UBL3: variants seen among roughly 807,000 people sequenced by gnomAD.
UBL3 encodes the protein ubiquitin like 3, also known as ubiquitin-like protein 3.
A neutral mutation model predicts 18.4 loss-of-function variants in UBL3; 6 were observed. The observed-to-expected ratio is 0.33, with a 90% CI of 0.18 to 0.64. The LOEUF is 0.64. UBL3 is among the 30% of genes least tolerant of loss of function. UBL3 has a pLI of 0.76. For missense variants in UBL3, 109 were observed against 142.9 expected, an observed-to-expected ratio of 0.76 and a Z score of 1.21; for synonymous variants, 49 against 46.6, an observed-to-expected ratio of 1.05 and a Z score of -0.21.
At chr13:29,815,895 C>T (rs764980058) in intron 1 of UBL3, among the ~76,000 whole-genome samples, 3 of 152,178 alleles carry the variant, frequency 2.0e-5, no homozygotes, top group Non-Finnish European at 4.4e-5. Flanking sequence ...ATAATCTATA[C>T]ATTTCTGATG....
chr13:29,803,549 G>A (rs1344495191), intron 1 of UBL3, among the ~76,000 whole-genome samples: 1 of 151,740 alleles, frequency 6.6e-6, no homozygotes, highest in South Asian at 2.1e-4. Flanking sequence ...CATCTTACAC[G>A]CAATGACATC....
rs761240816 is a variant in UBL3 at position 29,850,585 on chromosome 13, A to AGCG, written c.-1050_-1048dup. 0.012 allele frequency: 1,835 copies of AGCG among 156,032 alleles called. 38 individuals carry two copies. Among genetic ancestry groups the AGCG allele is most frequent in the African/African-American group, 0.041 (1,709 of 41,544 alleles). The allele number at this position is 156,032 out of a possible 1,614,324, so 9.7% of individuals were successfully genotyped here. On this transcript the variant is annotated 5_prime_UTR_variant, in exon 1 of 5. Transcript: ENST00000380680. ...TCGCCTCTCAAACCAACATGGCGGC[A>AGCG]GCGGCGGCGGCGGCGGCTGCCTGAG...
chr13:29,780,505 T>C (rs989845756), intron 1 of UBL3, among the ~76,000 whole-genome samples: 3 of 149,728 alleles, frequency 2.0e-5, no homozygotes, highest in African/African-American at 7.4e-5. Flanking sequence ...AGAAACTGAT[T>C]GGTGAGAAGG....
Position 29,777,851 on chromosome 13 carries a change from C to T in UBL3, c.28-588G>A, listed in dbSNP as rs181144399. 2.4e-3 allele frequency among the ~76,000 whole-genome samples: 360 copies of T among 152,222 alleles called. 5 individuals are homozygous for T. The highest frequency in any genetic ancestry group is 0.021 in the Admixed American group (325 of 15,280). On this transcript the variant is annotated intron_variant, in intron 1 of 4. Coordinates refer to ENST00000380680, the MANE Select transcript of UBL3 (RefSeq NM_007106.4). Reference sequence around the variant, plus strand: ...GTACAATCTTGGCTCACTGCAACCTCGGCCTCCCAAGCTCAATCCATTCTC... The same window carrying T: ...GTACAATCTTGGCTCACTGCAACCTTGGCCTCCCAAGCTCAATCCATTCTC...
At chr13:29,779,568 C>A (rs985643659) in intron 1 of UBL3, among the ~76,000 whole-genome samples, 1 of 152,064 alleles carries the variant, frequency 6.6e-6, no homozygotes, top group African/African-American at 2.4e-5. Flanking sequence ...AAAGGTGACA[C>A]CAAAGCCTAC....
intron 3 of UBL3, 147 bp from the exon 4 acceptor site, chr13:29,767,842 G>T: frequency 1.8e-6 from 1 of 569,262 alleles, no homozygotes; most frequent in Non-Finnish European, 2.9e-6. Flanking sequence ...CACAAAATTA[G>T]GTTAATATTA....
rs375308686 is a variant in UBL3 at position 29,767,311 on chromosome 13, G to C, written c.302-4C>G. 2 of 1,612,928 alleles carry C rather than the reference G, an allele frequency of 1.2e-6. No individual in the cohort carries two copies. Among genetic ancestry groups the C allele is most frequent in the African/African-American group, 2.7e-5 (2 of 74,858 alleles). Reference sequence around the variant, plus strand: ...GTCTTCTCACGATTCCTCTGACCTAGGGAAAACGAAGAAGAGCCTCGTTTA... The same window carrying C: ...GTCTTCTCACGATTCCTCTGACCTACGGAAAACGAAGAAGAGCCTCGTTTA... On this transcript the variant is annotated splice_region_variant and splice_polypyrimidine_tract_variant and intron_variant, in intron 4 of 4. Transcript: ENST00000380680.
intron 1 of UBL3, among the ~76,000 whole-genome samples, chr13:29,801,604 A>G (rs1029571726): frequency 2.0e-5 from 3 of 152,148 alleles, no homozygotes; most frequent in East Asian, 3.9e-4. Flanking sequence ...TTTCGCTCTC[A>G]GAGACAACTG....
chr13:29,798,721 T>G (rs1877680237), intron 1 of UBL3, among the ~76,000 whole-genome samples: 1 of 152,220 alleles, frequency 6.6e-6, no homozygotes, highest in Non-Finnish European at 1.5e-5. Flanking sequence ...CACAGCTATT[T>G]CACAAAGGAT....
intron 1 of UBL3, among the ~76,000 whole-genome samples, chr13:29,795,019 C>T (rs1877572668): frequency 6.6e-6 from 1 of 152,194 alleles, no homozygotes; most frequent in South Asian, 2.1e-4. Flanking sequence ...ACATTCTTAT[C>T]TTGACACTCT....
At chr13:29,804,553 T>C (rs1471322754) in intron 1 of UBL3, among the ~76,000 whole-genome samples, 1 of 151,848 alleles carries the variant, frequency 6.6e-6, no homozygotes, top group East Asian at 1.9e-4. Context: ...TATTTGAAGA[T>C]TAAATTAGAC....
intron 1 of UBL3, among the ~76,000 whole-genome samples, chr13:29,811,485 A>G (rs996979804): frequency 5.9e-5 from 9 of 152,050 alleles, no homozygotes; most frequent in Non-Finnish European, 1.2e-4. Context: ...AGGTGTATGG[A>G]AGACTGATGG....
chr13:29,783,435 A>G (rs1388392153), intron 1 of UBL3, among the ~76,000 whole-genome samples: 1 of 152,252 alleles, frequency 6.6e-6, no homozygotes, highest in Non-Finnish European at 1.5e-5. Context: ...CTGCCTCAGT[A>G]TGCTTGTCAA....
At chr13:29,815,303 G>T (rs562427157) in intron 1 of UBL3, among the ~76,000 whole-genome samples, 9 of 152,148 alleles carry the variant, frequency 5.9e-5, no homozygotes, top group African/African-American at 1.9e-4. Flanking sequence ...TGGGTGTGTG[G>T]GGGGGAGAAA....
chr13:29,791,864 G>A (rs9634356), intron 1 of UBL3, among the ~76,000 whole-genome samples: 8,820 of 152,184 alleles, frequency 0.058, 363 homozygotes, highest in East Asian at 0.16. Flanking sequence ...AACCATTTAT[G>A]TCCATATCCT....
intron 1 of UBL3, among the ~76,000 whole-genome samples, chr13:29,818,627 T>C (rs1014004490): frequency 6.6e-6 from 1 of 152,190 alleles, no homozygotes. Context: ...AAGTTCTGAC[T>C]TCACATAATA....
chr13:29,797,190 T>C (rs997620979), intron 1 of UBL3, among the ~76,000 whole-genome samples: 1 of 152,202 alleles, frequency 6.6e-6, no homozygotes, highest in Non-Finnish European at 1.5e-5. Context: ...GGCTGGTTGG[T>C]CTTTGTCTCC....
chr13:29,841,861 GA>G (rs1170342893), intron 1 of UBL3, among the ~76,000 whole-genome samples: 1 of 152,170 alleles, frequency 6.6e-6, no homozygotes, highest in Non-Finnish European at 1.5e-5. Context: ...ATCAGACTGT[GA>G]TATCTGAAAG....
intron 1 of UBL3, among the ~76,000 whole-genome samples, chr13:29,835,121 TATAA>T (rs1566001029): frequency 1.3e-4 from 3 of 23,668 alleles, no homozygotes; most frequent in African/African-American, 4.7e-4. Flanking sequence ...TATATATATA[TATAA>T]ATATATATAT....
Sources: gnomAD v4.1 joint callset for allele counts (sites outside exome capture counted in the v4.1 genomes callset) on GRCh38, gnomAD v4.1.1 for gene constraint, MANE v1.5 for transcripts, NCBI Gene and HGNC (gene_info 2026-07-23, HGNC 2026-07-21) for gene names.